Variants in EPB41L4A observed in about 807,000 individuals in gnomAD.
The protein encoded by EPB41L4A is band 4.1-like protein 4A.
In EPB41L4A, 100 loss-of-function variants were observed where a neutral mutation model predicts 108.6. The ratio of observed to expected loss-of-function variants is 0.92; its 90% CI spans 0.78 to 1.09. The LOEUF (loss-of-function observed/expected upper bound fraction) is 1.09. EPB41L4A is among the 50% of genes least tolerant of loss of function. The pLI is 0.00. For synonymous variants in EPB41L4A, 319 were observed against 289.0 expected (o/e 1.10, Z -1.05); for missense variants, 1,030 against 842.7 (o/e 1.22, Z -2.75).
At chr5:112,402,907 T>C (rs1335062141) in intron 1 of EPB41L4A, among the ~76,000 whole-genome samples, 2 of 152,170 alleles carry the variant, frequency 1.3e-5, no homozygotes, top group African/African-American at 4.8e-5. Flanking sequence ...TAAGCCTTCC[T>C]AGAAAGCGGT....
At chr5:112,279,097 A>G (rs1335852489) in intron 3 of EPB41L4A, among the ~76,000 whole-genome samples, 2 of 151,804 alleles carry the variant, frequency 1.3e-5, no homozygotes, top group Non-Finnish European at 2.9e-5. Context: ...TCATTCCTGA[A>G]ATTTTTCTGG....
chr5:112,174,719 T>C (rs1264127890), intron 18 of EPB41L4A, among the ~76,000 whole-genome samples: 1 of 152,200 alleles, frequency 6.6e-6, no homozygotes, highest in African/African-American at 2.4e-5. Context: ...TCCAGTAATA[T>C]ATTTACTATA....
chr5:112,240,119 C>G (rs533302941), intron 10 of EPB41L4A, among the ~76,000 whole-genome samples: 1 of 152,148 alleles, frequency 6.6e-6, no homozygotes, highest in South Asian at 2.1e-4. Context: ...TCCCTTTCCT[C>G]GTTTCCCAGG....
At chr5:112,310,627 G>A (rs1201318297) in intron 1 of EPB41L4A, among the ~76,000 whole-genome samples, 1 of 152,044 alleles carries the variant, frequency 6.6e-6, no homozygotes, top group African/African-American at 2.4e-5. Context: ...AGTTCTTTTT[G>A]GGAATAAAAG....
intron 18 of EPB41L4A, among the ~76,000 whole-genome samples, chr5:112,177,852 T>TG (rs1247924487): frequency 1.1e-4 from 16 of 151,326 alleles, no homozygotes; most frequent in African/African-American, 3.6e-4. Flanking sequence ...GAAAATAAAA[T>TG]GGAGTATCAA....
chr5:112,142,820 C>T (rs1004444462), exon 14 of EPB41L4A: 1 of 152,200 alleles, frequency 6.6e-6, no homozygotes, highest in African/African-American at 2.4e-5. Flanking sequence ...CCCATTGTTT[C>T]CATGCCTTTC....
intron 17 of EPB41L4A, among the ~76,000 whole-genome samples, chr5:112,187,264 T>C (rs1580391810): frequency 6.6e-6 from 1 of 152,240 alleles, no homozygotes. Flanking sequence ...CCAGTACTAA[T>C]TGATCCAATA....
In EPB41L4A at chr5:112,304,268, C is replaced by T. The variant is rs1250862988; in HGVS notation, c.204+3118G>A. 3.3e-5 allele frequency among the ~76,000 whole-genome samples: 5 copies of T among 152,096 alleles called. 1 individual carries two copies. The highest frequency in any genetic ancestry group is 1.2e-4 in the African/African-American group (5 of 41,426). On this transcript the variant is annotated intron_variant, in intron 2 of 22. Transcript: ENST00000261486. ...TTGATTTCCATATTCTGAGAAAAGC[C>T]CTAATTATATACAACTTCTGCCTTT...
At chr5:112,273,425 T>C (rs1441544592) in intron 4 of EPB41L4A, among the ~76,000 whole-genome samples, 1 of 152,220 alleles carries the variant, frequency 6.6e-6, no homozygotes, top group African/African-American at 2.4e-5. Flanking sequence ...TGAACAGAGG[T>C]GAAGTAATGC....
intron 1 of EPB41L4A, among the ~76,000 whole-genome samples, chr5:112,329,989 A>T (rs187531976): frequency 3.0e-4 from 45 of 152,288 alleles, no homozygotes; most frequent in Middle Eastern, 3.4e-3. Context: ...TTGCAAAACA[A>T]ATTAATAATA....
intron 1 of EPB41L4A, among the ~76,000 whole-genome samples, chr5:112,390,761 C>A (rs1410865192): frequency 1.3e-5 from 2 of 152,178 alleles, no homozygotes; most frequent in African/African-American, 4.8e-5. Flanking sequence ...GATCCCTGAC[C>A]CCCATGTAGC....
chr5:112,272,781 C>CAAA (rs35621227), intron 4 of EPB41L4A, among the ~76,000 whole-genome samples: 28,360 of 90,232 alleles, frequency 0.31, 5,782 homozygotes, highest in Non-Finnish European at 0.34. Flanking sequence ...AACTCCGTCT[C>CAAA]AAAAAAAAAA....
At chr5:112,282,357 TC>T (rs1484615750) in intron 2 of EPB41L4A, among the ~76,000 whole-genome samples, 1 of 152,174 alleles carries the variant, frequency 6.6e-6, no homozygotes, top group African/African-American at 2.4e-5. Context: ...GGTTTTACTA[TC>T]CCCTGAATTT....
At chr5:112,198,430 C>G (rs948222167) in intron 15 of EPB41L4A, among the ~76,000 whole-genome samples, 4 of 152,156 alleles carry the variant, frequency 2.6e-5, no homozygotes, top group Non-Finnish European at 4.4e-5. Context: ...CTTTGTTAAT[C>G]TATAATGTTT....
chr5:112,262,606 G>C (rs759109840), intron 6 of EPB41L4A, 25 bp from the exon 7 acceptor site: 9 of 1,596,962 alleles, frequency 5.6e-6, no homozygotes, highest in South Asian at 5.6e-5. Context: ...AAAACAAAGA[G>C]CCTTATTTTA....
intron 1 of EPB41L4A, among the ~76,000 whole-genome samples, chr5:112,357,189 C>A (rs1032373626): frequency 7.2e-5 from 11 of 152,150 alleles, no homozygotes; most frequent in African/African-American, 2.7e-4. Context: ...AAAAGCCATA[C>A]CCCTTTTCTG....
At chr5:112,290,264 C>T (rs1267336733) in intron 2 of EPB41L4A, among the ~76,000 whole-genome samples, 1 of 152,080 alleles carries the variant, frequency 6.6e-6, no homozygotes, top group East Asian at 1.9e-4. Context: ...TTTTTTGTTA[C>T]TGAAAATACA....
At chr5:112,156,586 A>G (rs1419956656) in intron 12 of EPB41L4A, among the ~76,000 whole-genome samples, 1 of 152,216 alleles carries the variant, frequency 6.6e-6, no homozygotes, top group Non-Finnish European at 1.5e-5. Context: ...TATTGATTCA[A>G]ATGCTAATCT....
chr5:112,271,003 A>G (rs1486159158), intron 4 of EPB41L4A, among the ~76,000 whole-genome samples: 2 of 152,192 alleles, frequency 1.3e-5, no homozygotes, highest in African/African-American at 2.4e-5. Flanking sequence ...GGCATTTCAG[A>G]TAGGGCTGTC....
Sources: allele counts gnomAD v4.1 joint callset (sites outside exome capture counted in the v4.1 genomes callset), GRCh38; gene constraint gnomAD v4.1.1; transcripts MANE v1.5; gene names NCBI Gene and HGNC (gene_info 2026-07-23, HGNC 2026-07-21).